The following SHISA6 variants were observed in gnomAD, a reference collection of about 807,000 sequenced individuals.
SHISA6 encodes protein shisa-6.
A neutral mutation model predicts 47.9 loss-of-function variants in SHISA6; 22 were observed. The ratio of observed to expected loss-of-function variants is 0.46; its 90% CI spans 0.33 to 0.66. The LOEUF (loss-of-function observed/expected upper bound fraction) is 0.66. SHISA6 is among the 30% of genes least tolerant of loss of function. The probability of loss-of-function intolerance (pLI) is 0.02; values close to 1 mark genes in which losing one functional copy is unlikely to be tolerated. For synonymous variants in SHISA6, 388 were observed against 337.8 expected, an observed-to-expected ratio of 1.15 and a Z score of -1.63; for missense variants, 680 against 764.6, an observed-to-expected ratio of 0.89 and a Z score of 1.30.
At chr17:11,336,614 C>T (rs1263682788) in intron 2 of SHISA6, among the ~76,000 whole-genome samples, 1 of 152,150 alleles carries the variant, frequency 6.6e-6, no homozygotes, top group East Asian at 1.9e-4. Context: ...GAGGAGGGGG[C>T]AGGGAAGAAG....
At chr17:11,557,646 T>C in intron 5 of SHISA6, 108 bp from the exon 6 acceptor site, 8 of 1,118,686 alleles carry the variant, frequency 7.2e-6, no homozygotes, top group Non-Finnish European at 8.7e-6. Context: ...GTATTATCCC[T>C]TAAGGTTGAC....
intron 2 of SHISA6, among the ~76,000 whole-genome samples, chr17:11,264,645 A>G (rs987993143): frequency 6.6e-6 from 1 of 152,174 alleles, no homozygotes; most frequent in African/African-American, 2.4e-5. Flanking sequence ...TTTTCAGAGG[A>G]TGGGCAATGT....
chr17:11,497,446 G>A (rs2071418292), intron 3 of SHISA6, among the ~76,000 whole-genome samples: 1 of 152,096 alleles, frequency 6.6e-6, no homozygotes, highest in Admixed American at 6.6e-5. Flanking sequence ...AACCATCCAA[G>A]CACAAGACAC....
At chr17:11,487,649 C>G (rs1916385665) in intron 3 of SHISA6, among the ~76,000 whole-genome samples, 2 of 152,192 alleles carry the variant, frequency 1.3e-5, no homozygotes, top group African/African-American at 4.8e-5. Flanking sequence ...TGTACTAATG[C>G]CCCTGACTCT....
chr17:11,365,441 C>T lies in SHISA6; in HGVS notation c.800-13973C>T, dbSNP rs976674659. On this transcript the variant is annotated intron_variant, in intron 2 of 5. Transcript: ENST00000441885. Reference sequence around the variant, plus strand: ...CACAGGCACTCACCACCACATCCAGCTAATTTTTGTATTTTTAGTAGAGAT... The same window carrying T: ...CACAGGCACTCACCACCACATCCAGTTAATTTTTGTATTTTTAGTAGAGAT... Among the ~76,000 whole-genome samples, 21 of 152,244 alleles carry T rather than the reference C, an allele frequency of 1.4e-4. No homozygotes were observed. The East Asian group carries it at 4.1e-3, about 29-fold the overall frequency.
chr17:11,385,349 T>C (rs1404478537), intron 3 of SHISA6, among the ~76,000 whole-genome samples: 1 of 151,336 alleles, frequency 6.6e-6, no homozygotes, highest in Non-Finnish European at 1.5e-5. Flanking sequence ...CAGAGTGTAG[T>C]GGTTGGAGGT....
At chr17:11,431,905 G>A (rs957456631) in intron 3 of SHISA6, among the ~76,000 whole-genome samples, 4 of 152,168 alleles carry the variant, frequency 2.6e-5, no homozygotes, top group African/African-American at 4.8e-5. Flanking sequence ...GCTAAGAAAA[G>A]TTGAAACATC....
chr17:11,418,188 T>A (rs1424740028), intron 3 of SHISA6, among the ~76,000 whole-genome samples: 1 of 152,190 alleles, frequency 6.6e-6, no homozygotes, highest in Non-Finnish European at 1.5e-5. Flanking sequence ...TTTTTAATTG[T>A]TATGATGGAG....
At chr17:11,357,112 C>T (rs1912101793) in intron 2 of SHISA6, among the ~76,000 whole-genome samples, 2 of 138,802 alleles carry the variant, frequency 1.4e-5, no homozygotes, top group African/African-American at 2.7e-5. Flanking sequence ...GGCGTGAACC[C>T]GGGAGGCGGA....
Position 11,412,701 on chromosome 17 carries a change from C to T in SHISA6, c.895+33192C>T, listed in dbSNP as rs573979109. Among the ~76,000 whole-genome samples the T allele has an allele frequency of 4.9e-4, 75 of 152,026 alleles. No homozygotes were observed. The South Asian group carries it at 7.1e-3, about 14-fold the overall frequency. ...GGACTACAGGCACCGGCCACCGTGC[C>T]GGGCTAATTTTTTGTATTTTTAGTA... On this transcript the variant is annotated intron_variant, in intron 3 of 5. Coordinates refer to ENST00000441885, the MANE Select transcript of SHISA6 (RefSeq NM_207386.4).
At chr17:11,518,444 A>AAC (rs145506282) in intron 3 of SHISA6, among the ~76,000 whole-genome samples, 24 of 151,102 alleles carry the variant, frequency 1.6e-4, no homozygotes, top group Admixed American at 2.0e-4. Context: ...TGGGCCAGGA[A>AAC]ACACACACAC....
intron 3 of SHISA6, among the ~76,000 whole-genome samples, chr17:11,382,963 G>C (rs1318726505): frequency 8.7e-6 from 1 of 114,640 alleles, no homozygotes; most frequent in Non-Finnish European, 1.6e-5. Context: ...TTGAGACGGA[G>C]TCTCACTCTG....
intron 2 of SHISA6, among the ~76,000 whole-genome samples, chr17:11,275,828 T>G (rs1160030865): frequency 6.6e-6 from 1 of 152,050 alleles, no homozygotes; most frequent in Non-Finnish European, 1.5e-5. Context: ...AAGTCAGAGA[T>G]GAGGGGCCTT....
chr17:11,558,065 A>G lies in SHISA6; in HGVS notation c.1417A>G (p.Arg473Gly). ...RTAFPEQSLSRAISHTDVFVS... is the reference protein window; with the variant it reads ...RTAFPEQSLSGAISHTDVFVS... ...GGCCTTTCCCGAGCAGTCGCTGTCC[A>G]GGGCCATCTCGCACACGGACGTCTT... The change falls in exon 6 of 6, where the codon AGG (arginine) becomes GGG (glycine). Residue 473 changes from arginine (R) to glycine (G), a missense_variant. By Grantham distance (125) the Arg-to-Gly change is moderately radical (BLOSUM62 -2). This residue lies in a region of SHISA6 where 559 missense variants were observed against 674.1 expected (regional missense o/e 0.83). Coordinates refer to ENST00000441885, the MANE Select transcript of SHISA6 (RefSeq NM_207386.4). 5 of 1,551,658 alleles carry G rather than the reference A, an allele frequency of 3.2e-6. No homozygotes were observed. The highest frequency in any genetic ancestry group is 4.4e-6 in the Non-Finnish European group (5 of 1,146,996).
At chr17:11,334,245 T>C (rs1911237514) in intron 2 of SHISA6, among the ~76,000 whole-genome samples, 1 of 152,096 alleles carries the variant, frequency 6.6e-6, no homozygotes, top group South Asian at 2.1e-4. Context: ...GCCCTAACTC[T>C]AGGTAGTAAA....
At chr17:11,305,847 G>C (rs1216089511) in intron 2 of SHISA6, among the ~76,000 whole-genome samples, 1 of 152,244 alleles carries the variant, frequency 6.6e-6, no homozygotes, top group Non-Finnish European at 1.5e-5. Flanking sequence ...GAGGCTGGGA[G>C]ATGGGGTGGA....
At chr17:11,321,745 A>G (rs1258959533) in intron 2 of SHISA6, among the ~76,000 whole-genome samples, 4 of 151,696 alleles carry the variant, frequency 2.6e-5, no homozygotes, top group African/African-American at 9.7e-5. Context: ...CTTTGCTTGG[A>G]TTCCATTTCT....
At chr17:11,335,711 C>T (rs776937280) in intron 2 of SHISA6, among the ~76,000 whole-genome samples, 1 of 152,076 alleles carries the variant, frequency 6.6e-6, no homozygotes, top group East Asian at 1.9e-4. Context: ...GAGGTTCCAG[C>T]GAACATGGAG....
chr17:11,400,485 T>C (rs544083895), intron 3 of SHISA6, among the ~76,000 whole-genome samples: 19 of 152,306 alleles, frequency 1.2e-4, no homozygotes, highest in Middle Eastern at 3.4e-3. Flanking sequence ...CCTTTGACTT[T>C]TTTGTATCTG....
Sources: allele counts gnomAD v4.1 joint callset (sites outside exome capture counted in the v4.1 genomes callset), GRCh38; gene constraint gnomAD v4.1.1; regional missense constraint gnomAD v4.1.1; transcripts MANE v1.5; gene names NCBI Gene and HGNC (gene_info 2026-07-23, HGNC 2026-07-21).